The following LYRM4 variants were observed in gnomAD, a reference collection of about 807,000 sequenced individuals.
LYRM4 encodes the protein LYR motif containing 4.
LYRM4 carries 9 observed loss-of-function variants against 11.7 expected under a neutral mutation model. The ratio of observed to expected loss-of-function variants is 0.77; its 90% CI spans 0.46 to 1.34. The LOEUF (loss-of-function observed/expected upper bound fraction) is 1.34. Among genes scored for constraint, LYRM4 ranks in the 40% most tolerant of loss-of-function variants. The pLI is 0.00. For synonymous variants in LYRM4, 42 were observed against 40.4 expected, an observed-to-expected ratio of 1.04 and a Z score of -0.15; for missense variants, 133 against 112.5, an observed-to-expected ratio of 1.18 and a Z score of -0.82.
chr6:5,047,012 G>C, the LYRM4 span, among the ~76,000 whole-genome samples: 2 of 152,106 alleles, frequency 1.3e-5, no homozygotes, highest in African/African-American at 4.8e-5. Flanking sequence ...AATCTCCTGA[G>C]CCCAGGGAAG....
chr6:5,131,431 G>C (rs1337371110), intron 2 of LYRM4, among the ~76,000 whole-genome samples: 1 of 152,190 alleles, frequency 6.6e-6, no homozygotes, highest in Admixed American at 6.5e-5. Flanking sequence ...TGGGTGCAAT[G>C]GCTCACGCCT....
the LYRM4 span, among the ~76,000 whole-genome samples, chr6:5,039,730 T>C: frequency 6.6e-6 from 1 of 151,300 alleles, no homozygotes; most frequent in Non-Finnish European, 1.5e-5. Flanking sequence ...CCCCACAGAG[T>C]TTTAGATATG....
At chr6:5,233,514 C>T (rs73719763) in intron 1 of LYRM4, among the ~76,000 whole-genome samples, 83 of 152,314 alleles carry the variant, frequency 5.4e-4, no homozygotes, top group African/African-American at 1.7e-3. Context: ...GTGGGAAATG[C>T]TGATCTGCAC....
chr6:5,245,516 C>G (rs551782343), intron 1 of LYRM4, among the ~76,000 whole-genome samples: 4 of 152,150 alleles, frequency 2.6e-5, no homozygotes, highest in African/African-American at 9.6e-5. Context: ...CATGTTATAG[C>G]CAGGACTTTG....
At chr6:5,109,582 A>G (rs2127592884) in intron 2 of LYRM4, 91 bp from the exon 3 acceptor site, 4 of 1,356,728 alleles carry the variant, frequency 2.9e-6, no homozygotes, top group Non-Finnish European at 4.2e-6. Flanking sequence ...TTTCTAATAC[A>G]AACGTCGGCC....
intron 2 of LYRM4, among the ~76,000 whole-genome samples, chr6:5,123,774 G>A (rs1455584706): frequency 6.6e-6 from 1 of 152,234 alleles, no homozygotes; most frequent in Non-Finnish European, 1.5e-5. Context: ...GTAGGGCGAG[G>A]ACCTCGGAGT....
At chr6:5,057,115 T>C in the LYRM4 span, among the ~76,000 whole-genome samples, 1 of 152,182 alleles carries the variant, frequency 6.6e-6, no homozygotes, top group African/African-American at 2.4e-5. Context: ...TCAGTGCAAG[T>C]GTCCACAAAG....
intron 2 of LYRM4, among the ~76,000 whole-genome samples, chr6:5,122,892 A>G (rs1345768288): frequency 5.3e-5 from 8 of 152,128 alleles, no homozygotes; most frequent in Non-Finnish European, 1.2e-4. Flanking sequence ...TCTCCTCCCA[A>G]TGGCTGCAGT....
At chr6:5,118,533 G>A (rs1236493886) in intron 2 of LYRM4, among the ~76,000 whole-genome samples, 2 of 152,106 alleles carry the variant, frequency 1.3e-5, no homozygotes. Flanking sequence ...CCCTCCTCTG[G>A]CTTATGACAA....
chr6:5,224,886 G>T (rs1317823601), intron 1 of LYRM4, among the ~76,000 whole-genome samples: 2 of 152,080 alleles, frequency 1.3e-5, no homozygotes, highest in African/African-American at 4.8e-5. Context: ...CTTGAACCTC[G>T]GAGGCGAAGG....
chr6:5,129,427 T>C (rs1240570913), intron 2 of LYRM4, among the ~76,000 whole-genome samples: 2 of 152,188 alleles, frequency 1.3e-5, no homozygotes, highest in African/African-American at 4.8e-5. Flanking sequence ...TTCCTTGTCT[T>C]TTCCAGCTTG....
chr6:5,144,159 A>T lies in LYRM4; in HGVS notation c.208-34668T>A, dbSNP rs1004995461. 1.8e-5 allele frequency: 28 copies of T among 1,536,612 alleles called. No homozygotes were observed. The East Asian group carries it at 6.6e-4, about 36-fold the overall frequency. ...TCACCAGCTCTGTGAGGAAGAGCAA[A>T]CGTCTGTCAGGTGGTTTCCTCAAGG... is the stretch of plus-strand genomic sequence containing the variant. On this transcript the variant is annotated intron_variant, in intron 2 of 2. Coordinates refer to ENST00000330636, the MANE Select transcript of LYRM4 (RefSeq NM_020408.6).
At chr6:5,163,168 G>C (rs1758869166) in intron 2 of LYRM4, among the ~76,000 whole-genome samples, 1 of 152,206 alleles carries the variant, frequency 6.6e-6, no homozygotes, top group East Asian at 1.9e-4. Flanking sequence ...GTTTACAAAG[G>C]TGTTTTTTGT....
At chr6:5,111,231 T>C (rs552060170) in intron 2 of LYRM4, among the ~76,000 whole-genome samples, 35 of 152,330 alleles carry the variant, frequency 2.3e-4, no homozygotes, top group Middle Eastern at 3.4e-3. Flanking sequence ...AAGGGAACCA[T>C]TACTTTTTGG....
chr6:5,163,053 ATAGT>A (rs568711528), intron 2 of LYRM4, among the ~76,000 whole-genome samples: 206 of 152,268 alleles, frequency 1.4e-3, no homozygotes, highest in African/African-American at 4.6e-3. Flanking sequence ...TCTCTCAATA[ATAGT>A]TACTCTGATA....
chr6:5,165,667 C>T (rs536890326), intron 2 of LYRM4, among the ~76,000 whole-genome samples: 105 of 152,064 alleles, frequency 6.9e-4, no homozygotes, highest in African/African-American at 2.3e-3. Context: ...CTCAGCCTCC[C>T]GAGTAGCTGG....
intron 1 of LYRM4, among the ~76,000 whole-genome samples, chr6:5,255,275 A>G (rs553351643): frequency 1.3e-5 from 2 of 152,320 alleles, no homozygotes; most frequent in South Asian, 2.1e-4. Context: ...ATGAGTATAC[A>G]GGGGAAATTA....
At chr6:5,079,809 A>G in the LYRM4 span, among the ~76,000 whole-genome samples, 15 of 152,354 alleles carry the variant, frequency 9.8e-5, no homozygotes, top group East Asian at 2.7e-3. Flanking sequence ...CTTTGTTTTT[A>G]AAGGTACGAA....
chr6:5,250,979 T>C (rs1447327165), intron 1 of LYRM4, among the ~76,000 whole-genome samples: 1 of 152,196 alleles, frequency 6.6e-6, no homozygotes, highest in Non-Finnish European at 1.5e-5. Context: ...TTATGCAAGG[T>C]GTCTCCTCAG....
Sources: allele counts gnomAD v4.1 joint callset (sites outside exome capture counted in the v4.1 genomes callset), GRCh38; gene constraint gnomAD v4.1.1; transcripts MANE v1.5; gene names NCBI Gene and HGNC (gene_info 2026-07-23, HGNC 2026-07-21).